SH3PXD2A: variants seen among roughly 807,000 people sequenced by gnomAD.
SH3PXD2A encodes the protein SH3 and PX domains 2A, also known as SH3 and PX domain-containing protein 2A.
Under a neutral mutation model 115.2 loss-of-function variants are expected in SH3PXD2A, and 32 were observed. The ratio of observed to expected loss-of-function variants is 0.28; its 90% CI spans 0.21 to 0.37. The LOEUF (loss-of-function observed/expected upper bound fraction) is 0.37, where lower values mean the gene tolerates loss of function less well. SH3PXD2A is among the 10% of genes least tolerant of loss of function. The pLI is 1.00. For missense variants in SH3PXD2A, 1,328 were observed against 1,498.7 expected, an observed-to-expected ratio of 0.89 and a Z score of 1.88; for synonymous variants, 610 against 629.1, an observed-to-expected ratio of 0.97 and a Z score of 0.45.
At chr10:103,685,268 G>A (rs2037662567) in intron 6 of SH3PXD2A, among the ~76,000 whole-genome samples, 1 of 150,748 alleles carries the variant, frequency 6.6e-6, no homozygotes, top group Non-Finnish European at 1.5e-5. Context: ...GAACCCAGGA[G>A]GTGGAGGTTG....
chr10:103,811,199 A>G (rs367756028), intron 1 of SH3PXD2A, among the ~76,000 whole-genome samples: 154 of 152,330 alleles, frequency 1.0e-3, no homozygotes, highest in African/African-American at 3.5e-3. Context: ...AGGAACTCCC[A>G]GGATTCACAA....
At chr10:103,678,043 G>T in intron 6 of SH3PXD2A, 1 of 1,093,158 alleles carries the variant, frequency 9.1e-7, no homozygotes, top group Non-Finnish European at 1.2e-6. Flanking sequence ...CCCAGCATCT[G>T]CTTTAATGCC....
chr10:103,693,075 C>T lies in SH3PXD2A; in HGVS notation c.399-19G>A. The T allele has an allele frequency of 6.2e-7, 1 of 1,613,066 alleles. No individual in the cohort carries two copies. Among genetic ancestry groups the T allele is most frequent in the Non-Finnish European group, 8.5e-7 (1 of 1,179,272 alleles). Reference sequence around the variant, plus strand: ...ATAGTCCCTGAAAAAGAAGCAACAACAGATAGACATGGTTAGGGCCGGGCG... The same window carrying T: ...ATAGTCCCTGAAAAAGAAGCAACAATAGATAGACATGGTTAGGGCCGGGCG... On this transcript the variant is annotated intron_variant, in intron 5 of 14. Coordinates refer to ENST00000369774, the MANE Select transcript of SH3PXD2A (RefSeq NM_001394015.1).
intron 2 of SH3PXD2A, among the ~76,000 whole-genome samples, chr10:103,790,306 C>T (rs1438452529): frequency 6.6e-6 from 1 of 152,116 alleles, no homozygotes; most frequent in Non-Finnish European, 1.5e-5. Flanking sequence ...AGGCGCCCGC[C>T]ATCACCCCTG....
In SH3PXD2A at chr10:103,670,242, T is replaced by C. The variant is rs562220882; in HGVS notation, c.428-1590A>G. 4.6e-5 allele frequency among the ~76,000 whole-genome samples: 7 copies of C among 152,226 alleles called. No individual in the cohort carries two copies. In the East Asian group the frequency reaches 1.2e-3, roughly 25 times the overall value. On this transcript the variant is annotated intron_variant, in intron 6 of 14. Transcript: ENST00000369774. ...GAGCGGTCTAGCAAGGCCTTTGGGGTCTGACTGCCTGGGTTCAAATATAGG... is the reference window on the plus strand; with the variant it reads ...GAGCGGTCTAGCAAGGCCTTTGGGGCCTGACTGCCTGGGTTCAAATATAGG...
intron 1 of SH3PXD2A, among the ~76,000 whole-genome samples, chr10:103,849,318 A>G (rs1259174738): frequency 6.6e-6 from 1 of 152,218 alleles, no homozygotes; most frequent in Non-Finnish European, 1.5e-5. Flanking sequence ...ATAAAATGGG[A>G]ATAAAAACAC....
chr10:103,607,906 T>C (rs1364595648), intron 13 of SH3PXD2A, among the ~76,000 whole-genome samples: 30 of 151,878 alleles, frequency 2.0e-4, no homozygotes, highest in African/African-American at 7.0e-4. Context: ...GTTAAATGGA[T>C]TGAGGTCGGT....
intron 1 of SH3PXD2A, among the ~76,000 whole-genome samples, chr10:103,824,806 A>G (rs2039413264): frequency 6.6e-6 from 1 of 151,990 alleles, no homozygotes; most frequent in Admixed American, 6.5e-5. Context: ...TTGCCATGTC[A>G]TCTCTCTATT....
chr10:103,675,450 C>T (rs752634168), intron 6 of SH3PXD2A, among the ~76,000 whole-genome samples: 2 of 151,804 alleles, frequency 1.3e-5, no homozygotes, highest in African/African-American at 2.4e-5. Context: ...AAGCAAATCC[C>T]AAATGGAAAG....
chr10:103,846,893 G>A (rs4918061), intron 1 of SH3PXD2A, among the ~76,000 whole-genome samples: 132,307 of 152,236 alleles, frequency 0.87, 58,692 homozygotes, highest in East Asian at 0.99. Context: ...CTCATCAGCT[G>A]CGTGGCATCT....
rs752019733 is a variant in SH3PXD2A, at chr10:103,603,401, C to T, written c.1817G>A (p.Gly606Asp). The T allele has an allele frequency of 8.1e-6, 13 of 1,613,996 alleles. No individual in the cohort carries two copies. In the East Asian group the frequency reaches 1.6e-4, roughly 19 times the overall value. ...SSLQRARFKV[G>D]ESSEDVALEE... is the part of the protein sequence containing the mutation. ...CAGGGCCACATCCTCTGAAGACTCACCCACCTTGAAGCGGGCCCGCTGCAG... is the reference window on the plus strand; with the variant it reads ...CAGGGCCACATCCTCTGAAGACTCATCCACCTTGAAGCGGGCCCGCTGCAG... The change falls in exon 15 of 15, where the codon GGT becomes GAT. Residue 606 changes from glycine to aspartate, a missense_variant. Physicochemically the swap from Gly to Asp is moderately conservative, Grantham distance 94. Around this residue, in one of 5 missense-constraint regions of SH3PXD2A, gnomAD observed 509 missense variants for 628.3 expected, o/e 0.81. Coordinates refer to ENST00000369774, the MANE Select transcript of SH3PXD2A (RefSeq NM_001394015.1).
At chr10:103,670,406 G>A (rs2037440624) in intron 6 of SH3PXD2A, among the ~76,000 whole-genome samples, 1 of 152,196 alleles carries the variant, frequency 6.6e-6, no homozygotes, top group African/African-American at 2.4e-5. Context: ...CCAGTGCAGT[G>A]CCTACTACAT....
chr10:103,712,676 C>T (rs1413675008), intron 5 of SH3PXD2A, among the ~76,000 whole-genome samples: 1 of 152,254 alleles, frequency 6.6e-6, no homozygotes, highest in Non-Finnish European at 1.5e-5. Context: ...TTAAAAGATC[C>T]CAAATGTGGC....
chr10:103,671,149 T>C (rs1423840541), intron 6 of SH3PXD2A, among the ~76,000 whole-genome samples: 1 of 152,218 alleles, frequency 6.6e-6, no homozygotes, highest in African/African-American at 2.4e-5. Flanking sequence ...CTGTTTTGCC[T>C]GGGCCTGGAG....
chr10:103,790,240 C>T (rs1395751055), intron 2 of SH3PXD2A, among the ~76,000 whole-genome samples: 4 of 151,736 alleles, frequency 2.6e-5, no homozygotes, highest in African/African-American at 7.3e-5. Context: ...CTGCAAGCTC[C>T]GCCTCCCGGG....
chr10:103,717,025 A>T (rs766768812), intron 5 of SH3PXD2A, among the ~76,000 whole-genome samples: 10 of 152,206 alleles, frequency 6.6e-5, no homozygotes, highest in Non-Finnish European at 1.3e-4. Flanking sequence ...TTGGCACTTT[A>T]TGTGTGCTAA....
chr10:103,637,018 A>T (rs999975620), intron 8 of SH3PXD2A, among the ~76,000 whole-genome samples: 2 of 152,216 alleles, frequency 1.3e-5, no homozygotes, highest in Non-Finnish European at 2.9e-5. Context: ...CATCAGGAAC[A>T]TATGGTGTAT....
intron 8 of SH3PXD2A, among the ~76,000 whole-genome samples, chr10:103,656,452 C>T (rs921136949): frequency 2.0e-5 from 3 of 152,206 alleles, no homozygotes; most frequent in Admixed American, 6.5e-5. Flanking sequence ...GAGAAACCAA[C>T]GCCACTCAAA....
chr10:103,660,413 C>T (rs925856579), intron 8 of SH3PXD2A, among the ~76,000 whole-genome samples: 6 of 152,218 alleles, frequency 3.9e-5, no homozygotes, highest in Non-Finnish European at 7.4e-5. Flanking sequence ...CCAGGCCTGG[C>T]TGCATCCCCC....
Sources: allele counts gnomAD v4.1 joint callset (sites outside exome capture counted in the v4.1 genomes callset), GRCh38; gene constraint gnomAD v4.1.1; regional missense constraint gnomAD v4.1.1; transcripts MANE v1.5; gene names NCBI Gene and HGNC (gene_info 2026-07-23, HGNC 2026-07-21).